Variants in KLHL1 observed in about 807,000 individuals in gnomAD.
KLHL1 encodes the protein kelch like family member 1, also known as kelch-like protein 1.
A neutral mutation model predicts 77.7 loss-of-function variants in KLHL1; 47 were observed. That is an observed-to-expected ratio of 0.60 (90% CI 0.48 to 0.77). KLHL1 has a LOEUF of 0.77. KLHL1 is among the 30% of genes least tolerant of loss of function. The pLI is 0.00. For synonymous variants in KLHL1, 360 were observed against 325.2 expected, an observed-to-expected ratio of 1.11 and a Z score of -1.15; for missense variants, 925 against 910.8, an observed-to-expected ratio of 1.02 and a Z score of -0.20.
At chr13:69,747,983 C>T (rs1311667366) in intron 7 of KLHL1, among the ~76,000 whole-genome samples, 1 of 151,914 alleles carries the variant, frequency 6.6e-6, no homozygotes, top group African/African-American at 2.4e-5. Flanking sequence ...TTACATTATC[C>T]ATTAATCTTT....
intron 1 of KLHL1, among the ~76,000 whole-genome samples, chr13:70,097,704 A>G (rs1007195740): frequency 6.6e-6 from 1 of 151,924 alleles, no homozygotes; most frequent in African/African-American, 2.4e-5. Context: ...GTATTTTACT[A>G]TCACAATTGC....
At chr13:70,096,623 A>G (rs549524734) in intron 1 of KLHL1, among the ~76,000 whole-genome samples, 2 of 141,382 alleles carry the variant, frequency 1.4e-5, no homozygotes, top group Admixed American at 7.5e-5. Flanking sequence ...TGAGCTTGTC[A>G]GGAATATTTT....
intron 10 of KLHL1, among the ~76,000 whole-genome samples, chr13:69,706,539 C>A (rs957706041): frequency 8.6e-5 from 13 of 151,836 alleles, no homozygotes; most frequent in African/African-American, 2.7e-4. Flanking sequence ...AAATTGTAGT[C>A]AATTTCTTTG....
intron 1 of KLHL1, among the ~76,000 whole-genome samples, chr13:70,087,374 G>A (rs1887568493): frequency 6.6e-6 from 1 of 152,098 alleles, no homozygotes; most frequent in African/African-American, 2.4e-5. Context: ...GGGGCAGGCT[G>A]AGGCATGCAA....
intron 7 of KLHL1, among the ~76,000 whole-genome samples, chr13:69,785,093 C>T (rs1021505884): frequency 1.1e-4 from 16 of 151,352 alleles, no homozygotes; most frequent in African/African-American, 3.4e-4. Context: ...GGGGTTTCAC[C>T]ATTTTAGCCG....
At chr13:70,039,829 T>C (rs1047769737) in intron 1 of KLHL1, among the ~76,000 whole-genome samples, 2 of 151,864 alleles carry the variant, frequency 1.3e-5, no homozygotes, top group East Asian at 3.9e-4. Context: ...TTAGTACAGA[T>C]GGGTTTTCAC....
intron 7 of KLHL1, among the ~76,000 whole-genome samples, chr13:69,751,260 C>T (rs1193359240): frequency 6.6e-6 from 1 of 151,874 alleles, no homozygotes; most frequent in African/African-American, 2.4e-5. Context: ...ATGCAACTTG[C>T]ATTTCATGGA....
chr13:69,752,131 G>T (rs887571235), intron 7 of KLHL1, among the ~76,000 whole-genome samples: 9 of 152,058 alleles, frequency 5.9e-5, no homozygotes, highest in African/African-American at 2.2e-4. Context: ...AAAAGTGCTT[G>T]GCACATCTTT....
chr13:69,778,749 T>G (rs1322856201), intron 7 of KLHL1, among the ~76,000 whole-genome samples: 1 of 151,964 alleles, frequency 6.6e-6, no homozygotes, highest in Non-Finnish European at 1.5e-5. Context: ...AAAACTAGTG[T>G]TTATATCTAC....
At chr13:69,913,808 A>G (rs1871543842) in intron 4 of KLHL1, among the ~76,000 whole-genome samples, 1 of 152,162 alleles carries the variant, frequency 6.6e-6, no homozygotes, top group Non-Finnish European at 1.5e-5. Context: ...CCAGAGTGTA[A>G]TGGTTAATCC....
chr13:69,713,898 T>C (rs1402973552), intron 9 of KLHL1, among the ~76,000 whole-genome samples: 1 of 152,152 alleles, frequency 6.6e-6, no homozygotes. Context: ...TTGAGTTCAC[T>C]GTTAATTTTA....
intron 8 of KLHL1, among the ~76,000 whole-genome samples, chr13:69,738,272 A>C (rs1873846106): frequency 6.6e-6 from 1 of 152,086 alleles, no homozygotes; most frequent in Non-Finnish European, 1.5e-5. Flanking sequence ...AGGCAGATAA[A>C]TCCATGAAGA....
intron 6 of KLHL1, among the ~76,000 whole-genome samples, chr13:69,818,561 A>G (rs1298139366): frequency 6.6e-6 from 1 of 152,096 alleles, no homozygotes; most frequent in Non-Finnish European, 1.5e-5. Context: ...AAATGCAGAT[A>G]TCCTGTCTTA....
chr13:69,701,705 A>C lies in KLHL1; in HGVS notation c.2244T>G (p.Pro748=), dbSNP rs1566348572. The change falls in exon 11 of 11, where the codon CCT becomes CCG. Residue 748 remains proline, a synonymous_variant. Coordinates refer to ENST00000377844, the MANE Select transcript of KLHL1 (RefSeq NM_020866.3). ...TTCCAAGTAAAATATCAATAAGTCA[A>C]GGTTGCTTGATGACTACCACACAGG... is the stretch of plus-strand genomic sequence containing the variant. ...AGACVVVIKQ[P] The C allele has an allele frequency of 4.4e-6, 7 of 1,605,740 alleles. No individual in the cohort carries two copies. The highest frequency in any genetic ancestry group is 6.0e-6 in the Non-Finnish European group (7 of 1,174,510).
At chr13:69,763,144 C>T (rs1119836) in intron 7 of KLHL1, among the ~76,000 whole-genome samples, 1,644 of 152,258 alleles carry the variant, frequency 0.011, 29 homozygotes, top group African/African-American at 0.037. Flanking sequence ...GCAAAGGCCA[C>T]GGTTGCACAA....
chr13:70,021,802 A>G (rs1269710175), intron 1 of KLHL1, among the ~76,000 whole-genome samples: 1 of 151,958 alleles, frequency 6.6e-6, no homozygotes, highest in African/African-American at 2.4e-5. Context: ...GTATTTTTTA[A>G]GGTCTTTGGC....
At chr13:69,947,026 T>TG (rs1883549106) in intron 3 of KLHL1, among the ~76,000 whole-genome samples, 1 of 103,410 alleles carries the variant, frequency 9.7e-6, no homozygotes, top group Non-Finnish European at 1.9e-5. Context: ...TGTGTGTGTG[T>TG]GTTGTGTGTG....
At chr13:69,930,042 T>C (rs2138279877) in intron 4 of KLHL1, among the ~76,000 whole-genome samples, 1 of 151,994 alleles carries the variant, frequency 6.6e-6, no homozygotes, top group East Asian at 1.9e-4. Flanking sequence ...AATTATTTAT[T>C]TTAGGTTGGA....
intron 7 of KLHL1, among the ~76,000 whole-genome samples, chr13:69,786,087 A>G (rs1876527162): frequency 6.6e-6 from 1 of 152,188 alleles, no homozygotes; most frequent in Non-Finnish European, 1.5e-5. Flanking sequence ...TACAAGGAGG[A>G]GCTGGTACCA....
Sources: allele counts gnomAD v4.1 joint callset (sites outside exome capture counted in the v4.1 genomes callset), GRCh38; gene constraint gnomAD v4.1.1; transcripts MANE v1.5; gene names NCBI Gene and HGNC (gene_info 2026-07-23, HGNC 2026-07-21).